GLIS3: variants seen among roughly 807,000 people sequenced by gnomAD.
GLIS3 encodes zinc finger protein GLIS3.
In GLIS3, 53 loss-of-function variants were observed where a neutral mutation model predicts 78.6. The ratio of observed to expected loss-of-function variants is 0.67; its 90% confidence interval spans 0.54 to 0.85. The LOEUF (loss-of-function observed/expected upper bound fraction) is 0.85. Ranked by LOEUF, GLIS3 falls within the 40% of genes least tolerant of loss-of-function variation. The pLI is 0.00. For missense variants in GLIS3, 1,703 were observed against 1,231.1 expected, an observed-to-expected ratio of 1.38 and a Z score of -5.74; for synonymous variants, 684 against 509.9, an observed-to-expected ratio of 1.34 and a Z score of -4.60.
intron 7 of GLIS3, among the ~76,000 whole-genome samples, chr9:3,883,152 C>G (rs1821847571): frequency 6.6e-6 from 1 of 152,240 alleles, no homozygotes; most frequent in Non-Finnish European, 1.5e-5. Flanking sequence ...TGTCCTTGGT[C>G]TCTGCCAATG....
intron 4 of GLIS3, among the ~76,000 whole-genome samples, chr9:4,017,529 G>A (rs1822537269): frequency 6.6e-6 from 1 of 152,196 alleles, no homozygotes; most frequent in Non-Finnish European, 1.5e-5. Flanking sequence ...AGCAACTGGA[G>A]AAGGGAGACA....
In GLIS3 at chr9:4,316,801, T is replaced by C. The variant is rs527725506; in HGVS notation, n.265-6273A>G. Among the ~76,000 whole-genome samples, 57 of 152,356 alleles carry C rather than the reference T, an allele frequency of 3.7e-4. 1 individual carries two copies. Among genetic ancestry groups the C allele is most frequent in the African/African-American group, 1.3e-3 (53 of 41,596 alleles). On this transcript the variant is annotated intron_variant and non_coding_transcript_variant, in intron 2 of 4. Coordinates refer to the GLIS3 transcript ENST00000471664. Reference sequence around the variant, plus strand: ...TAATTATCTTAGTTATTTTTATTAATCTTTTAAAAATGTATGCATAGCTCA... The same window carrying C: ...TAATTATCTTAGTTATTTTTATTAACCTTTTAAAAATGTATGCATAGCTCA...
chr9:4,359,167 T>C, the GLIS3 span, among the ~76,000 whole-genome samples: 1 of 152,180 alleles, frequency 6.6e-6, no homozygotes, highest in African/African-American at 2.4e-5. Flanking sequence ...TGTTCCAGTA[T>C]GTCCCACACC....
chr9:4,166,625 T>C (rs1026064421), intron 2 of GLIS3, among the ~76,000 whole-genome samples: 15 of 152,112 alleles, frequency 9.9e-5, no homozygotes, highest in Non-Finnish European at 1.6e-4. Flanking sequence ...GTTTTATGTA[T>C]TCCCAAGTGG....
intron 7 of GLIS3, among the ~76,000 whole-genome samples, chr9:3,896,958 T>A (rs537323076): frequency 6.6e-6 from 1 of 152,284 alleles, no homozygotes; most frequent in African/African-American, 2.4e-5. Context: ...AAAGTGGACA[T>A]TTGCTTGGAA....
intron 6 of GLIS3, among the ~76,000 whole-genome samples, chr9:3,925,239 C>G (rs556246593): frequency 3.0e-4 from 45 of 152,260 alleles, no homozygotes; most frequent in African/African-American, 1.0e-3. Context: ...TTCCATGTTC[C>G]AGAAGCTTTC....
intron 2 of GLIS3, among the ~76,000 whole-genome samples, chr9:4,279,203 G>A (rs1827300509): frequency 6.7e-6 from 1 of 149,970 alleles, no homozygotes; most frequent in Non-Finnish European, 1.5e-5. Context: ...TGAGGCTGAC[G>A]CAGAGAACTG....
At chr9:4,022,084 T>A (rs982082822) in intron 4 of GLIS3, among the ~76,000 whole-genome samples, 1 of 152,084 alleles carries the variant, frequency 6.6e-6, no homozygotes, top group African/African-American at 2.4e-5. Context: ...ACTTAATGTC[T>A]AAAGACTTGC....
At chr9:4,419,212 C>A in the GLIS3 span, among the ~76,000 whole-genome samples, 2 of 152,280 alleles carry the variant, frequency 1.3e-5, no homozygotes, top group East Asian at 3.9e-4. Flanking sequence ...GAGAAAGACT[C>A]CACTAGGTGC....
the GLIS3 span, among the ~76,000 whole-genome samples, chr9:4,460,016 G>A: frequency 9.2e-5 from 14 of 152,184 alleles, no homozygotes; most frequent in Admixed American, 1.3e-4. Context: ...AGTTTGTGCC[G>A]CTAAAGTGGT....
intron 2 of GLIS3, among the ~76,000 whole-genome samples, chr9:4,336,055 T>C (rs1421825143): frequency 6.6e-6 from 1 of 152,212 alleles, no homozygotes; most frequent in Non-Finnish European, 1.5e-5. Flanking sequence ...TCATTACACC[T>C]CTGTGGGCCT....
chr9:4,088,504 T>C (rs1159353572), intron 4 of GLIS3, among the ~76,000 whole-genome samples: 1 of 152,252 alleles, frequency 6.6e-6, no homozygotes, highest in African/African-American at 2.4e-5. Flanking sequence ...AGTGATTTAA[T>C]CTTGTGTCTG....
intron 4 of GLIS3, among the ~76,000 whole-genome samples, chr9:3,972,482 C>G (rs1054857611): frequency 1.3e-4 from 20 of 152,176 alleles, no homozygotes; most frequent in Admixed American, 1.3e-3. Context: ...CCAAAGGAAG[C>G]ATGAGCTTCT....
At chr9:4,239,416 T>A (rs2129670093) in intron 2 of GLIS3, among the ~76,000 whole-genome samples, 1 of 152,226 alleles carries the variant, frequency 6.6e-6, no homozygotes, top group African/African-American at 2.4e-5. Flanking sequence ...TAGACTACTG[T>A]ATTCGTATTC....
intron 6 of GLIS3, among the ~76,000 whole-genome samples, chr9:3,924,284 G>T (rs1183630729): frequency 6.6e-6 from 1 of 152,186 alleles, no homozygotes. Context: ...AGACTGCTAT[G>T]GATTGCAGGT....
intron 9 of GLIS3, among the ~76,000 whole-genome samples, chr9:3,840,694 C>T (rs771308041): frequency 6.6e-6 from 1 of 152,192 alleles, no homozygotes; most frequent in Admixed American, 6.5e-5. Flanking sequence ...ACCGCCTGGT[C>T]CCTTTGTCCT....
intron 3 of GLIS3, among the ~76,000 whole-genome samples, chr9:4,120,259 G>A (rs1402996617): frequency 6.6e-6 from 1 of 152,150 alleles, no homozygotes; most frequent in Non-Finnish European, 1.5e-5. Context: ...ATATTAGCAA[G>A]AAAAACATCT....
chr9:4,443,671 T>A, the GLIS3 span, among the ~76,000 whole-genome samples: 1 of 152,190 alleles, frequency 6.6e-6, no homozygotes, highest in Non-Finnish European at 1.5e-5. Context: ...TCACTTGCAA[T>A]GCATGTTTCT....
At chr9:4,266,266 A>T (rs568423847) in intron 2 of GLIS3, among the ~76,000 whole-genome samples, 1 of 151,882 alleles carries the variant, frequency 6.6e-6, no homozygotes, top group East Asian at 1.9e-4. Flanking sequence ...AAAATGAGCC[A>T]CCTGGCTCAA....
Sources: gnomAD v4.1 joint callset for allele counts (sites outside exome capture counted in the v4.1 genomes callset) on GRCh38, gnomAD v4.1.1 for gene constraint, MANE v1.5 for transcripts, NCBI Gene and HGNC (gene_info 2026-07-23, HGNC 2026-07-21) for gene names.